B3GALT1: variants seen among roughly 807,000 people sequenced by gnomAD.
B3GALT1 encodes the protein beta-1,3-galactosyltransferase 1.
In B3GALT1, 10 loss-of-function variants were observed where a neutral mutation model predicts 23.2. The ratio of observed to expected loss-of-function variants is 0.43; its 90% CI spans 0.27 to 0.73. The LOEUF (loss-of-function observed/expected upper bound fraction) is 0.73. Among genes scored for constraint, B3GALT1 ranks in the 30% least tolerant of loss-of-function variants. B3GALT1 has a pLI of 0.21. For missense variants in B3GALT1, 299 were observed against 405.4 expected, an observed-to-expected ratio of 0.74 and a Z score of 2.25; for synonymous variants, 156 against 141.5, an observed-to-expected ratio of 1.10 and a Z score of -0.73.
intron 1 of B3GALT1, among the ~76,000 whole-genome samples, chr2:167,482,260 A>T (rs1456676601): frequency 1.3e-5 from 2 of 152,182 alleles, no homozygotes; most frequent in Non-Finnish European, 2.9e-5. Flanking sequence ...GATGAATCAT[A>T]TTTTTTGGCT....
intron 3 of B3GALT1, among the ~76,000 whole-genome samples, chr2:167,708,166 C>G (rs1332909353): frequency 1.3e-5 from 2 of 152,136 alleles, no homozygotes; most frequent in Non-Finnish European, 2.9e-5. Flanking sequence ...TCCTTGATTG[C>G]CACAAAATAG....
At chr2:167,444,710 A>G (rs1321944954) in intron 1 of B3GALT1, among the ~76,000 whole-genome samples, 1 of 152,136 alleles carries the variant, frequency 6.6e-6, no homozygotes, top group Admixed American at 6.6e-5. Flanking sequence ...ATTGGTGGTG[A>G]TAACCCCTTT....
At position 167,512,607 on chromosome 2, in the gene B3GALT1, T is replaced by TATATATAC. The variant is rs1558887854; in HGVS notation, c.-410+22330_-410+22331insATATATAC. ...ATATATATATGTGTATATATATATATGTATATATATATACGTGTATATATA... is the reference window on the plus strand; with the variant it reads ...ATATATATATGTGTATATATATATATATATATACGTATATATATATACGTGTATATATA... On this transcript the variant is annotated intron_variant, in intron 2 of 4. Transcript: ENST00000392690. Among the ~76,000 whole-genome samples the TATATATAC allele has an allele frequency of 6.1e-4, 49 of 80,222 alleles. 6 individuals are homozygous for TATATATAC. The East Asian group carries it at 0.019, about 32-fold the overall frequency. The allele number at this position is 80,222 out of a possible 152,430, so 52.6% of individuals were successfully genotyped here. A position where few individuals can be genotyped will look rare whatever the true frequency, so the allele number is the denominator to read the frequency against.
intron 3 of B3GALT1, among the ~76,000 whole-genome samples, chr2:167,681,258 A>G (rs191247222): frequency 3.3e-5 from 5 of 152,040 alleles, no homozygotes; most frequent in Non-Finnish European, 5.9e-5. Flanking sequence ...ATATATATAT[A>G]TTTTTTTAAT....
intron 3 of B3GALT1, among the ~76,000 whole-genome samples, chr2:167,654,364 A>G (rs1392972091): frequency 3.3e-5 from 5 of 152,152 alleles, no homozygotes; most frequent in African/African-American, 2.4e-5. Flanking sequence ...ACCCTGTGAA[A>G]TCTCTTCCAG....
chr2:167,777,241 A>G (rs987613993), intron 3 of B3GALT1, among the ~76,000 whole-genome samples: 1 of 152,244 alleles, frequency 6.6e-6, no homozygotes, highest in African/African-American at 2.4e-5. Context: ...ATTTAATATG[A>G]AAATGACACC....
At chr2:167,577,974 G>T (rs149205657) in intron 2 of B3GALT1, among the ~76,000 whole-genome samples, 2 of 152,010 alleles carry the variant, frequency 1.3e-5, no homozygotes, top group East Asian at 3.9e-4. Context: ...CCTTGAAATT[G>T]AGTATATTAA....
At chr2:167,690,305 A>G (rs1686689434) in intron 3 of B3GALT1, among the ~76,000 whole-genome samples, 1 of 152,122 alleles carries the variant, frequency 6.6e-6, no homozygotes, top group East Asian at 1.9e-4. Flanking sequence ...AATGCTAAGC[A>G]TAACTTAACA....
intron 1 of B3GALT1, among the ~76,000 whole-genome samples, chr2:167,438,916 C>T (rs1475186163): frequency 1.3e-5 from 2 of 152,120 alleles, no homozygotes; most frequent in East Asian, 1.9e-4. Context: ...CCCCCTCTCC[C>T]ATGGAAGTGT....
intron 1 of B3GALT1, among the ~76,000 whole-genome samples, chr2:167,294,218 C>T (rs905672701): frequency 6.6e-6 from 1 of 152,162 alleles, no homozygotes; most frequent in African/African-American, 2.4e-5. Context: ...CAGGTTGAGA[C>T]CCGGCCTGGT....
At position 167,375,631 on chromosome 2, in the gene B3GALT1, T is replaced by A. The variant is rs371191366; in HGVS notation, c.-511+82297T>A. On this transcript the variant is annotated intron_variant, in intron 1 of 4. Transcript: ENST00000392690. ...AATGGGATTATGTTCTTGATTTGGC[T>A]CTTAGGTTGAATGTTATTGGTGTAT... is the stretch of plus-strand genomic sequence containing the variant. Among the ~76,000 whole-genome samples, 16 of 152,302 alleles carry A rather than the reference T, an allele frequency of 1.1e-4. No individual in the cohort carries two copies. In the East Asian group the frequency reaches 2.1e-3, roughly 20 times the overall value.
At chr2:167,429,563 GA>G (rs1698677089) in intron 1 of B3GALT1, among the ~76,000 whole-genome samples, 1 of 151,988 alleles carries the variant, frequency 6.6e-6, no homozygotes, top group Non-Finnish European at 1.5e-5. Flanking sequence ...CTCAAATAGT[GA>G]AAATTTTTTT....
intron 1 of B3GALT1, among the ~76,000 whole-genome samples, chr2:167,377,294 G>C (rs141700369): frequency 4.6e-5 from 7 of 152,238 alleles, no homozygotes; most frequent in Admixed American, 6.5e-5. Context: ...GTGCAGATGA[G>C]AGGAATGTAT....
intron 3 of B3GALT1, among the ~76,000 whole-genome samples, chr2:167,707,460 G>A (rs1686982878): frequency 6.6e-6 from 1 of 151,930 alleles, no homozygotes; most frequent in Non-Finnish European, 1.5e-5. Context: ...GATCTTGGCA[G>A]GTTTGAGTTC....
At chr2:167,716,055 G>C in intron 3 of B3GALT1, 1 of 1,593,936 alleles carries the variant, frequency 6.3e-7, no homozygotes, top group Admixed American at 1.7e-5. Flanking sequence ...GGTAGCGCCG[G>C]GCTCCTCCAT....
intron 2 of B3GALT1, among the ~76,000 whole-genome samples, chr2:167,539,925 C>G (rs941448695): frequency 2.6e-5 from 4 of 151,832 alleles, no homozygotes; most frequent in African/African-American, 9.7e-5. Flanking sequence ...ATTTTTTTCT[C>G]TCTAACAGTT....
chr2:167,390,426 GAGA>G (rs1374707123), intron 1 of B3GALT1, among the ~76,000 whole-genome samples: 1 of 152,210 alleles, frequency 6.6e-6, no homozygotes, highest in Non-Finnish European at 1.5e-5. Context: ...GACTTGCTGA[GAGA>G]AGAAGCTATT....
At chr2:167,390,457 T>G (rs936148957) in intron 1 of B3GALT1, among the ~76,000 whole-genome samples, 1 of 152,246 alleles carries the variant, frequency 6.6e-6, no homozygotes, top group African/African-American at 2.4e-5. Flanking sequence ...ATCTCAGACT[T>G]GGACTTAGGC....
chr2:167,559,860 A>G (rs1225892918), intron 2 of B3GALT1, among the ~76,000 whole-genome samples: 1 of 152,330 alleles, frequency 6.6e-6, no homozygotes, highest in Admixed American at 6.5e-5. Flanking sequence ...GGGAGAATGG[A>G]ACCAAGTTGG....
Sources: allele counts gnomAD v4.1 joint callset (sites outside exome capture counted in the v4.1 genomes callset), GRCh38; gene constraint gnomAD v4.1.1; transcripts MANE v1.5; gene names NCBI Gene and HGNC (gene_info 2026-07-23, HGNC 2026-07-21).